The following CACNA2D1 variants were observed in gnomAD, a reference collection of about 807,000 sequenced individuals.
CACNA2D1 encodes the protein calcium voltage-gated channel auxiliary subunit alpha2delta 1.
Under a neutral mutation model 171.5 loss-of-function variants are expected in CACNA2D1, and 53 were observed. The ratio of observed to expected loss-of-function variants is 0.31; its 90% confidence interval spans 0.25 to 0.39. CACNA2D1 has a LOEUF of 0.39. CACNA2D1 is among the 10% of genes least tolerant of loss of function. The pLI is 1.00. For synonymous variants in CACNA2D1, 442 were observed against 443.1 expected, an observed-to-expected ratio of 1.00 and a Z score of 0.03; for missense variants, 903 against 1,299.8, an observed-to-expected ratio of 0.69 and a Z score of 4.69.
At chr7:81,995,353 T>A (rs995370313) in intron 19 of CACNA2D1, among the ~76,000 whole-genome samples, 1 of 152,170 alleles carries the variant, frequency 6.6e-6, no homozygotes, top group Non-Finnish European at 1.5e-5. Context: ...AAAAATATTT[T>A]TAAGAGGACT....
At chr7:82,345,129 T>C (rs548212117) in intron 2 of CACNA2D1, among the ~76,000 whole-genome samples, 15 of 152,234 alleles carry the variant, frequency 9.9e-5, no homozygotes, top group Non-Finnish European at 1.9e-4. Context: ...GAATATTCTA[T>C]TTACATGAGA....
intron 4 of CACNA2D1, among the ~76,000 whole-genome samples, chr7:82,142,313 G>A (rs1406330927): frequency 6.6e-6 from 1 of 152,142 alleles, no homozygotes. Flanking sequence ...ACATCCCCTA[G>A]CAAGTTGAGA....
chr7:82,081,022 A>G (rs1447566828), intron 7 of CACNA2D1, among the ~76,000 whole-genome samples: 1 of 152,194 alleles, frequency 6.6e-6, no homozygotes, highest in Non-Finnish European at 1.5e-5. Context: ...CCACTTTTTC[A>G]AATTTAATGA....
At chr7:82,011,494 T>C (rs1020661436) in intron 15 of CACNA2D1, among the ~76,000 whole-genome samples, 1 of 152,154 alleles carries the variant, frequency 6.6e-6, no homozygotes, top group Non-Finnish European at 1.5e-5. Flanking sequence ...TGCTTTTAAA[T>C]ATAATGACAT....
chr7:82,052,471 A>C (rs1356724713), intron 10 of CACNA2D1, among the ~76,000 whole-genome samples: 1 of 152,210 alleles, frequency 6.6e-6, no homozygotes, highest in Non-Finnish European at 1.5e-5. Flanking sequence ...AAGGGCCTAT[A>C]TGTTAAAGAT....
intron 7 of CACNA2D1, among the ~76,000 whole-genome samples, chr7:82,073,432 C>G (rs149785097): frequency 6.2e-4 from 95 of 152,242 alleles, no homozygotes; most frequent in African/African-American, 2.1e-3. Flanking sequence ...AACTATTTCT[C>G]ACTGCATAGA....
chr7:82,111,313 T>TACAC (rs1554409505), intron 6 of CACNA2D1, among the ~76,000 whole-genome samples: 3 of 103,290 alleles, frequency 2.9e-5, no homozygotes, highest in South Asian at 3.5e-4. Context: ...TATATATATA[T>TACAC]ACGTGTATAT....
At chr7:82,049,576 T>C (rs1804964417) in intron 10 of CACNA2D1, among the ~76,000 whole-genome samples, 2 of 152,170 alleles carry the variant, frequency 1.3e-5, no homozygotes, top group African/African-American at 4.8e-5. Flanking sequence ...AGCCCGCCAG[T>C]TGTACACACA....
At chr7:82,041,262 T>A (rs1053347902) in intron 10 of CACNA2D1, among the ~76,000 whole-genome samples, 4 of 151,796 alleles carry the variant, frequency 2.6e-5, no homozygotes, top group African/African-American at 4.8e-5. Flanking sequence ...ATGCAGGAAA[T>A]AGAAGAGAGG....
chr7:82,180,454 A>G (rs1797001582), intron 3 of CACNA2D1, among the ~76,000 whole-genome samples: 1 of 152,166 alleles, frequency 6.6e-6, no homozygotes, highest in African/African-American at 2.4e-5. Flanking sequence ...GAATCAGGGT[A>G]TCTCCTGCAT....
At chr7:82,034,175 A>G (rs535889765) in intron 11 of CACNA2D1, among the ~76,000 whole-genome samples, 1 of 152,242 alleles carries the variant, frequency 6.6e-6, no homozygotes, top group East Asian at 1.9e-4. Context: ...ATTTCAGATC[A>G]GCCACCTTTC....
At chr7:82,116,969 T>G in intron 6 of CACNA2D1, 75 bp downstream of exon 6, 1 of 1,503,692 alleles carries the variant, frequency 6.7e-7, no homozygotes, top group Non-Finnish European at 9.3e-7. Flanking sequence ...CTCTTTTTTT[T>G]CCCCCTCAAA....
intron 3 of CACNA2D1, among the ~76,000 whole-genome samples, chr7:82,307,471 C>G (rs1325036638): frequency 6.6e-6 from 1 of 150,488 alleles, no homozygotes; most frequent in Non-Finnish European, 1.5e-5. Context: ...TTATGTAATT[C>G]TTATAAATAA....
At chr7:82,197,810 A>AAC (rs35774007) in intron 3 of CACNA2D1, among the ~76,000 whole-genome samples, 70,756 of 150,738 alleles carry the variant, frequency 0.47, 16,941 homozygotes, top group East Asian at 0.57. Flanking sequence ...AAACTATACA[A>AAC]ACACACACAC....
At chr7:82,215,532 T>A (rs2129234961) in intron 3 of CACNA2D1, among the ~76,000 whole-genome samples, 1 of 152,156 alleles carries the variant, frequency 6.6e-6, no homozygotes, top group East Asian at 1.9e-4. Flanking sequence ...AAACTTGAAA[T>A]ATGATTTAGC....
At chr7:82,195,564 A>C (rs1798763166) in intron 3 of CACNA2D1, among the ~76,000 whole-genome samples, 1 of 151,824 alleles carries the variant, frequency 6.6e-6, no homozygotes, top group South Asian at 2.1e-4. Context: ...GGGACAAATA[A>C]ATTGCCTTTC....
At chr7:82,410,445 T>C (rs1204209841) in intron 1 of CACNA2D1, 2 of 872,350 alleles carry the variant, frequency 2.3e-6, no homozygotes, top group Non-Finnish European at 2.8e-6. Flanking sequence ...TTCATTCTGA[T>C]TGGCTTAGCC....
intron 12 of CACNA2D1, chr7:82,028,220 T>C (rs1381314760): frequency 1.3e-5 from 2 of 151,800 alleles, no homozygotes; most frequent in African/African-American, 2.4e-5. Context: ...TTAAGAATTA[T>C]GCTAAATCTA....
In CACNA2D1 at chr7:82,010,779, A is replaced by G. The variant is rs897936211; in HGVS notation, c.1362+1375T>C. ...TCCTGTATATGTTTATTTTCTAAAA[A>G]CCAAATGATAAGTAATTCTAAATGG... On this transcript the variant is annotated intron_variant, in intron 15 of 38. Coordinates refer to ENST00000356860, the MANE Select transcript of CACNA2D1 (RefSeq NM_000722.4). 2.0e-5 allele frequency among the ~76,000 whole-genome samples: 3 copies of G among 152,224 alleles called. No homozygotes were observed. The South Asian group carries it at 6.2e-4, about 32-fold the overall frequency.
Sources: gnomAD v4.1 joint callset for allele counts (sites outside exome capture counted in the v4.1 genomes callset) on GRCh38, gnomAD v4.1.1 for gene constraint, MANE v1.5 for transcripts, NCBI Gene and HGNC (gene_info 2026-07-23, HGNC 2026-07-21) for gene names.